Variants in SKAP1 observed in about 807,000 individuals in gnomAD.
SKAP1 encodes src kinase associated phosphoprotein 1.
A neutral mutation model predicts 58.5 loss-of-function variants in SKAP1; 44 were observed. The ratio of observed to expected loss-of-function variants is 0.75; its 90% confidence interval spans 0.59 to 0.97. The LOEUF (loss-of-function observed/expected upper bound fraction) is 0.97, where lower values mean the gene tolerates loss of function less well. Among genes scored for constraint, SKAP1 ranks in the 50% least tolerant of loss-of-function variants. The pLI is 0.00. For synonymous variants in SKAP1, 127 were observed against 149.7 expected (o/e 0.85, Z 1.11); for missense variants, 390 against 435.2 (o/e 0.90, Z 0.92).
At chr17:48,300,281 A>G (rs1368274970) in intron 4 of SKAP1, among the ~76,000 whole-genome samples, 5 of 152,154 alleles carry the variant, frequency 3.3e-5, no homozygotes, top group Non-Finnish European at 7.4e-5. Context: ...TCTCCACCCC[A>G]TATCTTCAAG....
At chr17:48,206,427 A>T (rs1348316913) in intron 4 of SKAP1, among the ~76,000 whole-genome samples, 1 of 100,934 alleles carries the variant, frequency 9.9e-6, no homozygotes, top group African/African-American at 2.9e-5. Context: ...GGTAAAAAAT[A>T]AAGACGTTTT....
rs570836731 is a variant in SKAP1, at chr17:48,314,832, C to T, written c.280+31073G>A. On this transcript the variant is annotated intron_variant, in intron 4 of 12. Transcript: ENST00000336915. ...TACCCAAGAACCTGAGGTGTAACCACGAAAGTACAGAGGAATGTCAGTTTC... is the reference window on the plus strand; with the variant it reads ...TACCCAAGAACCTGAGGTGTAACCATGAAAGTACAGAGGAATGTCAGTTTC... 1.1e-4 allele frequency among the ~76,000 whole-genome samples: 16 copies of T among 152,278 alleles called. No individual in the cohort carries two copies. The East Asian group carries it at 2.9e-3, about 27-fold the overall frequency.
At chr17:48,398,555 T>C (rs1475645826) in intron 1 of SKAP1, among the ~76,000 whole-genome samples, 11 of 151,934 alleles carry the variant, frequency 7.2e-5, no homozygotes, top group Admixed American at 2.0e-4. Context: ...CATGGAAAAA[T>C]TGTCTTCCAT....
intron 4 of SKAP1, among the ~76,000 whole-genome samples, chr17:48,321,460 C>T (rs9916667): frequency 0.091 from 13,815 of 151,174 alleles, 966 homozygotes; most frequent in African/African-American, 0.17. Context: ...TCACTGCAAG[C>T]TCCGTCTTCC....
chr17:48,153,502 G>A (rs888330248), intron 11 of SKAP1, among the ~76,000 whole-genome samples: 31 of 152,126 alleles, frequency 2.0e-4, no homozygotes, highest in Admixed American at 9.2e-4. Flanking sequence ...GGTTATTAAT[G>A]AGAGAAAACA....
intron 1 of SKAP1, among the ~76,000 whole-genome samples, chr17:48,412,513 G>A (rs954366495): frequency 2.6e-5 from 4 of 152,102 alleles, no homozygotes; most frequent in East Asian, 1.9e-4. Flanking sequence ...AGCTCAAGTC[G>A]TTGTGAAAAA....
intron 4 of SKAP1, among the ~76,000 whole-genome samples, chr17:48,239,411 T>C (rs1411865968): frequency 1.3e-5 from 2 of 152,172 alleles, no homozygotes; most frequent in Non-Finnish European, 2.9e-5. Context: ...TATTATCACA[T>C]TCACAGCATG....
intron 3 of SKAP1, among the ~76,000 whole-genome samples, chr17:48,357,906 C>T (rs376418149): frequency 2.0e-5 from 3 of 152,154 alleles, no homozygotes; most frequent in South Asian, 4.1e-4. Flanking sequence ...AGTCAAGCCA[C>T]AAAAGCAGCT....
intron 1 of SKAP1, among the ~76,000 whole-genome samples, chr17:48,415,646 G>A (rs1430938674): frequency 6.6e-6 from 1 of 152,130 alleles, no homozygotes; most frequent in African/African-American, 2.4e-5. Flanking sequence ...AAGAAATTCT[G>A]TTCTCCCTTC....
intron 2 of SKAP1, among the ~76,000 whole-genome samples, chr17:48,372,492 CAG>C (rs2067100073): frequency 1.3e-5 from 2 of 151,288 alleles, no homozygotes; most frequent in Admixed American, 1.3e-4. Context: ...TTTTAGTAGA[CAG>C]GGGTTTCTCC....
At chr17:48,257,603 C>G (rs1003773936) in intron 4 of SKAP1, among the ~76,000 whole-genome samples, 7 of 141,114 alleles carry the variant, frequency 5.0e-5, no homozygotes, top group Non-Finnish European at 1.1e-4. Context: ...TTAATATACT[C>G]TTTTCTTTTC....
intron 1 of SKAP1, among the ~76,000 whole-genome samples, chr17:48,402,631 A>G (rs1436650842): frequency 1.3e-5 from 2 of 152,130 alleles, no homozygotes; most frequent in Non-Finnish European, 2.9e-5. Context: ...TGCCTGGCAT[A>G]GCAGCATTAT....
chr17:48,185,641 T>C (rs774140221), intron 6 of SKAP1, among the ~76,000 whole-genome samples: 1 of 152,088 alleles, frequency 6.6e-6, no homozygotes, highest in Non-Finnish European at 1.5e-5. Context: ...CTCTATATCA[T>C]GTGAAATGAA....
chr17:48,234,537 C>A (rs2065159472), intron 4 of SKAP1, among the ~76,000 whole-genome samples: 1 of 152,152 alleles, frequency 6.6e-6, no homozygotes. Context: ...CCCCAGATAT[C>A]ATCAGAAATG....
At chr17:48,414,017 G>A (rs929478074) in intron 1 of SKAP1, among the ~76,000 whole-genome samples, 3 of 152,164 alleles carry the variant, frequency 2.0e-5, no homozygotes, top group Non-Finnish European at 4.4e-5. Context: ...ATGCTACATT[G>A]TCTAAATGCA....
the SKAP1 span, among the ~76,000 whole-genome samples, chr17:48,441,318 C>A: frequency 6.6e-6 from 1 of 152,100 alleles, no homozygotes; most frequent in African/African-American, 2.4e-5. Flanking sequence ...GAGGGACTAG[C>A]CTGGATGTCC....
chr17:48,237,174 G>T (rs1266683291), intron 4 of SKAP1, among the ~76,000 whole-genome samples: 1 of 152,112 alleles, frequency 6.6e-6, no homozygotes, highest in Admixed American at 6.5e-5. Context: ...ATCATTTCAG[G>T]TTCCCAAATA....
intron 4 of SKAP1, among the ~76,000 whole-genome samples, chr17:48,211,606 A>G (rs978946479): frequency 1.3e-5 from 2 of 152,220 alleles, no homozygotes; most frequent in Non-Finnish European, 2.9e-5. Flanking sequence ...ATCTCCCAAT[A>G]ACATATTTAA....
chr17:48,327,375 C>T (rs948344787), intron 4 of SKAP1, among the ~76,000 whole-genome samples: 9 of 152,100 alleles, frequency 5.9e-5, no homozygotes, highest in Non-Finnish European at 1.3e-4. Flanking sequence ...GTATAAAGTT[C>T]GAGACTAAGT....
Sources: gnomAD v4.1 joint callset for allele counts (sites outside exome capture counted in the v4.1 genomes callset) on GRCh38, gnomAD v4.1.1 for gene constraint, MANE v1.5 for transcripts, NCBI Gene and HGNC (gene_info 2026-07-23, HGNC 2026-07-21) for gene names.